PABPC4L: variants seen among roughly 807,000 people sequenced by gnomAD.
PABPC4L encodes the protein poly(A) binding protein cytoplasmic 4 like, also known as polyadenylate-binding protein 4-like.
For synonymous variants in PABPC4L, 169 were observed against 164.1 expected, an observed-to-expected ratio of 1.03 and a Z score of -0.23; for missense variants, 452 against 451.4, an observed-to-expected ratio of 1.00 and a Z score of -0.01.
the PABPC4L span, among the ~76,000 whole-genome samples, chr4:133,994,034 T>A: frequency 6.6e-6 from 1 of 152,142 alleles, no homozygotes; most frequent in Non-Finnish European, 1.5e-5. Flanking sequence ...ACCTCAGCTC[T>A]TTGAGTGCTA....
At position 134,200,174 on chromosome 4, in the gene PABPC4L, C is replaced by T; in HGVS notation, c.846G>A (p.Leu282=). 4 of 1,551,674 alleles carry T rather than the reference C, an allele frequency of 2.6e-6. No homozygotes were observed. The highest frequency in any genetic ancestry group is 3.5e-6 in the Non-Finnish European group (4 of 1,146,976). Residue 282 remains leucine, a synonymous_variant, in exon 2 of 2, where the codon CTG becomes CTA. Coordinates refer to ENST00000421491, the MANE Select transcript of PABPC4L (RefSeq NM_001114734.2). ...QAELKQMFEQ[L]KRERIRGCQG... is the part of the protein sequence containing the mutation. ...GGCACCCACGAATTCGTTCCCTTTT[C>T]AGCTGCTCAAACATTTGCTTTAACT... is the stretch of plus-strand genomic sequence containing the variant.
the PABPC4L span, among the ~76,000 whole-genome samples, chr4:134,030,898 G>T: frequency 6.6e-6 from 1 of 151,768 alleles, no homozygotes; most frequent in Non-Finnish European, 1.5e-5. Context: ...AATTTTCTTC[G>T]TCTGAAGCAG....
chr4:134,165,777 T>C, the PABPC4L span, among the ~76,000 whole-genome samples: 25 of 152,022 alleles, frequency 1.6e-4, no homozygotes, highest in African/African-American at 6.0e-4. Flanking sequence ...CAGCAATCCC[T>C]CTACTGGGTA....
chr4:134,078,095 G>A, the PABPC4L span, among the ~76,000 whole-genome samples: 1 of 152,182 alleles, frequency 6.6e-6, no homozygotes, highest in East Asian at 1.9e-4. Context: ...GTGATATAAG[G>A]TAAGTGATAA....
At chr4:134,159,839 C>G in the PABPC4L span, among the ~76,000 whole-genome samples, 12 of 152,102 alleles carry the variant, frequency 7.9e-5, no homozygotes, top group Admixed American at 7.9e-4. Flanking sequence ...CACCCCTCCC[C>G]CAATTGCAGG....
chr4:134,076,669 G>A, the PABPC4L span, among the ~76,000 whole-genome samples: 1 of 152,086 alleles, frequency 6.6e-6, no homozygotes, highest in East Asian at 1.9e-4. Context: ...CTTTGGAGGT[G>A]ATACATTTGA....
At chr4:134,109,188 C>T in the PABPC4L span, among the ~76,000 whole-genome samples, 1 of 151,864 alleles carries the variant, frequency 6.6e-6, no homozygotes, top group Admixed American at 6.6e-5. Flanking sequence ...TTTCTTTAAA[C>T]ACAAATTACA....
chr4:133,981,876 A>G, the PABPC4L span, among the ~76,000 whole-genome samples: 1 of 152,024 alleles, frequency 6.6e-6, no homozygotes, highest in African/African-American at 2.4e-5. Flanking sequence ...TAAGTACAGA[A>G]TATGGTATTT....
At chr4:134,145,354 A>G in the PABPC4L span, among the ~76,000 whole-genome samples, 1 of 151,962 alleles carries the variant, frequency 6.6e-6, no homozygotes. Context: ...AAAAACTATG[A>G]GAAATCTAGG....
At chr4:134,174,237 A>G in the PABPC4L span, among the ~76,000 whole-genome samples, 4 of 151,968 alleles carry the variant, frequency 2.6e-5, no homozygotes, top group Non-Finnish European at 4.4e-5. Context: ...CATAATGTCT[A>G]CTTCTGAAAT....
the PABPC4L span, among the ~76,000 whole-genome samples, chr4:134,048,917 A>G: frequency 6.6e-6 from 1 of 152,066 alleles, no homozygotes; most frequent in South Asian, 2.1e-4. Flanking sequence ...TCTTAATTCT[A>G]TATTTTACCT....
the PABPC4L span, among the ~76,000 whole-genome samples, chr4:134,017,595 A>T: frequency 6.6e-6 from 1 of 152,162 alleles, no homozygotes; most frequent in Admixed American, 6.6e-5. Context: ...TGCTGGCAGG[A>T]CTATGCTGAA....
At chr4:134,190,661 G>A in the PABPC4L span, among the ~76,000 whole-genome samples, 6 of 151,880 alleles carry the variant, frequency 4.0e-5, no homozygotes, top group Non-Finnish European at 7.4e-5. Flanking sequence ...ATATACATAT[G>A]AATATCTGGA....
the PABPC4L span, among the ~76,000 whole-genome samples, chr4:134,132,087 A>G: frequency 1.3e-5 from 2 of 152,042 alleles, no homozygotes; most frequent in African/African-American, 4.8e-5. Flanking sequence ...GGACTTAAAC[A>G]TAAGATCTGA....
At chr4:134,087,834 A>G in the PABPC4L span, among the ~76,000 whole-genome samples, 1 of 152,070 alleles carries the variant, frequency 6.6e-6, no homozygotes, top group Non-Finnish European at 1.5e-5. Context: ...CTCTCGGTCT[A>G]TAAAACATCA....
chr4:134,081,916 T>A, the PABPC4L span, among the ~76,000 whole-genome samples: 1 of 152,042 alleles, frequency 6.6e-6, no homozygotes, highest in South Asian at 2.1e-4. Context: ...ATGCTGACAA[T>A]TGACAACACT....
At chr4:134,097,547 G>A in the PABPC4L span, among the ~76,000 whole-genome samples, 1 of 151,738 alleles carries the variant, frequency 6.6e-6, no homozygotes, top group African/African-American at 2.4e-5. Flanking sequence ...TCTAGTTCTG[G>A]AACCAGTACC....
chr4:134,022,044 T>C, the PABPC4L span, among the ~76,000 whole-genome samples: 1 of 152,138 alleles, frequency 6.6e-6, no homozygotes, highest in Non-Finnish European at 1.5e-5. Context: ...AGAAATTTTA[T>C]AGCTGTGGCT....
chr4:134,039,812 C>G, the PABPC4L span, among the ~76,000 whole-genome samples: 1 of 151,544 alleles, frequency 6.6e-6, no homozygotes, highest in African/African-American at 2.4e-5. Flanking sequence ...GGGTATTTAG[C>G]CCATTTACAT....
Sources: allele counts gnomAD v4.1 joint callset (sites outside exome capture counted in the v4.1 genomes callset), GRCh38; gene constraint gnomAD v4.1.1; transcripts MANE v1.5; gene names NCBI Gene and HGNC (gene_info 2026-07-23, HGNC 2026-07-21).